Variants in SLC10A7 observed in about 807,000 individuals in gnomAD.
SLC10A7 encodes solute carrier family 10 member 7.
SLC10A7 carries 29 observed loss-of-function variants against 43.2 expected under a neutral mutation model. The observed-to-expected ratio is 0.67, with a 90% CI of 0.50 to 0.92. SLC10A7 has a LOEUF of 0.92. Among genes scored for constraint, SLC10A7 ranks in the 40% least tolerant of loss-of-function variants. The pLI, the probability that SLC10A7 is intolerant of heterozygous loss-of-function variation, is 0.00. For synonymous variants in SLC10A7, 152 were observed against 144.8 expected, an observed-to-expected ratio of 1.05 and a Z score of -0.35; for missense variants, 295 against 403.2, an observed-to-expected ratio of 0.73 and a Z score of 2.30.
chr4:146,290,311 A>T (rs866985825), intron 9 of SLC10A7, among the ~76,000 whole-genome samples: 2 of 143,606 alleles, frequency 1.4e-5, no homozygotes, highest in East Asian at 4.2e-4. Flanking sequence ...GCGATAGAGC[A>T]AGACTCCATC....
At chr4:146,445,644 C>A (rs2149898005) in intron 4 of SLC10A7, among the ~76,000 whole-genome samples, 1 of 152,210 alleles carries the variant, frequency 6.6e-6, no homozygotes. Flanking sequence ...TACCCGAGTT[C>A]TTGTCAGGCG....
chr4:146,256,754 C>A (rs1382195076), intron 11 of SLC10A7: 3 of 1,235,686 alleles, frequency 2.4e-6, no homozygotes, highest in Non-Finnish European at 3.4e-6. Flanking sequence ...GTATGGTTCC[C>A]CTGTGCACTA....
intron 2 of SLC10A7, chr4:146,515,291 C>A: frequency 1.6e-6 from 1 of 626,796 alleles, no homozygotes; most frequent in South Asian, 1.8e-5. Context: ...CCATAAAGAG[C>A]ATTAGCCAAG....
At chr4:146,389,481 C>T (rs2149801452) in intron 5 of SLC10A7, among the ~76,000 whole-genome samples, 1 of 152,284 alleles carries the variant, frequency 6.6e-6, no homozygotes. Flanking sequence ...CAGCTCCAGA[C>T]TGTCAAGAAA....
intron 2 of SLC10A7, among the ~76,000 whole-genome samples, chr4:146,511,173 C>A (rs1369975068): frequency 1.3e-5 from 2 of 152,110 alleles, no homozygotes; most frequent in Non-Finnish European, 2.9e-5. Context: ...AAAAAATGCA[C>A]ATTAAACATA....
At chr4:146,357,383 T>C (rs541492810) in intron 5 of SLC10A7, among the ~76,000 whole-genome samples, 1 of 152,300 alleles carries the variant, frequency 6.6e-6, no homozygotes, top group East Asian at 1.9e-4. Context: ...ATTTTCCAGC[T>C]AAAATATTTT....
At chr4:146,280,198 A>G (rs1189326628) in intron 10 of SLC10A7, among the ~76,000 whole-genome samples, 2 of 152,238 alleles carry the variant, frequency 1.3e-5, no homozygotes, top group Non-Finnish European at 2.9e-5. Context: ...ACACACACAT[A>G]TATAATCAGA....
intron 10 of SLC10A7, among the ~76,000 whole-genome samples, chr4:146,269,421 G>T (rs1728763891): frequency 6.6e-6 from 1 of 152,208 alleles, no homozygotes; most frequent in African/African-American, 2.4e-5. Context: ...CACGTTTATG[G>T]AGACAAGCTT....
chr4:146,472,336 C>T (rs1232772816), intron 4 of SLC10A7, among the ~76,000 whole-genome samples: 1 of 151,858 alleles, frequency 6.6e-6, no homozygotes, highest in East Asian at 1.9e-4. Context: ...TTACAGAGTG[C>T]TATAAGAAGA....
chr4:146,353,449 A>G (rs1287865411), intron 5 of SLC10A7, among the ~76,000 whole-genome samples: 1 of 140,976 alleles, frequency 7.1e-6, no homozygotes, highest in Non-Finnish European at 1.5e-5. Context: ...GCCAAATTCT[A>G]CCAGAGGTAC....
intron 5 of SLC10A7, among the ~76,000 whole-genome samples, chr4:146,377,484 C>T (rs746743477): frequency 6.6e-6 from 1 of 152,210 alleles, no homozygotes; most frequent in African/African-American, 2.4e-5. Context: ...CACACACTCA[C>T]CTGCATGCTC....
intron 5 of SLC10A7, among the ~76,000 whole-genome samples, chr4:146,433,180 G>A (rs74628138): frequency 7.3e-5 from 4 of 54,532 alleles, no homozygotes; most frequent in Admixed American, 6.1e-4. Context: ...TTTTTTTTTT[G>A]AGACGGAGTC....
At chr4:146,425,084 T>C (rs1729242997) in intron 5 of SLC10A7, among the ~76,000 whole-genome samples, 1 of 152,188 alleles carries the variant, frequency 6.6e-6, no homozygotes, top group Non-Finnish European at 1.5e-5. Flanking sequence ...GAAAAATGTT[T>C]AAGTGCTGGA....
chr4:146,259,063 G>A (rs1290834424), intron 10 of SLC10A7, among the ~76,000 whole-genome samples: 1 of 152,166 alleles, frequency 6.6e-6, no homozygotes. Context: ...GTCAGTATTC[G>A]AGGGTACCAA....
chr4:146,454,820 T>C (rs960351434), intron 4 of SLC10A7, among the ~76,000 whole-genome samples: 2 of 151,846 alleles, frequency 1.3e-5, no homozygotes, highest in African/African-American at 4.8e-5. Flanking sequence ...TAACACTGAA[T>C]ATTCACAGGA....
chr4:146,299,555 G>T (rs923164), intron 7 of SLC10A7, among the ~76,000 whole-genome samples: 124,499 of 152,132 alleles, frequency 0.82, 51,756 homozygotes, highest in African/African-American at 0.95. Flanking sequence ...AGGTGTTTCA[G>T]GCAGAAGGAA....
chr4:146,301,290 C>G (rs1454238849), intron 7 of SLC10A7, among the ~76,000 whole-genome samples: 1 of 152,074 alleles, frequency 6.6e-6, no homozygotes, highest in Admixed American at 6.6e-5. Context: ...GCTGGCAATA[C>G]AGTCAAAGGC....
At chr4:146,332,339 T>C (rs1232646989) in intron 5 of SLC10A7, among the ~76,000 whole-genome samples, 1 of 152,204 alleles carries the variant, frequency 6.6e-6, no homozygotes, top group Non-Finnish European at 1.5e-5. Flanking sequence ...GTGCTATGAT[T>C]TGGCTCTGTG....
chr4:146,416,547 TG>T (rs570645329), intron 5 of SLC10A7, among the ~76,000 whole-genome samples: 25 of 152,292 alleles, frequency 1.6e-4, no homozygotes, highest in Non-Finnish European at 3.7e-4. Flanking sequence ...GGTGATATCC[TG>T]GTGATGGAAG....
Sources: allele counts gnomAD v4.1 joint callset (sites outside exome capture counted in the v4.1 genomes callset), GRCh38; gene constraint gnomAD v4.1.1; transcripts MANE v1.5; gene names NCBI Gene and HGNC (gene_info 2026-07-23, HGNC 2026-07-21).